PRKG1: variants seen among roughly 807,000 people sequenced by gnomAD.
The protein encoded by PRKG1 is protein kinase cGMP-dependent 1, also known as cGMP-dependent protein kinase 1.
PRKG1 carries 35 observed loss-of-function variants against 88.1 expected under a neutral mutation model. The observed-to-expected ratio is 0.40, with a 90% CI of 0.30 to 0.53. The LOEUF (loss-of-function observed/expected upper bound fraction) is 0.53, where lower values mean the gene tolerates loss of function less well. Among genes scored for constraint, PRKG1 ranks in the 20% least tolerant of loss-of-function variants. PRKG1 has a pLI of 0.59. For synonymous variants in PRKG1, 303 were observed against 292.5 expected, an observed-to-expected ratio of 1.04 and a Z score of -0.37; for missense variants, 540 against 839.8, an observed-to-expected ratio of 0.64 and a Z score of 4.41.
chr10:51,126,024 A>C (rs1489705927), intron 1 of PRKG1, among the ~76,000 whole-genome samples: 3 of 125,232 alleles, frequency 2.4e-5, no homozygotes, highest in Admixed American at 1.7e-4. Context: ...ATTTATTTAT[A>C]TATAATTATA....
intron 2 of PRKG1, among the ~76,000 whole-genome samples, chr10:51,408,546 G>A: frequency 6.6e-6 from 1 of 152,214 alleles, no homozygotes; most frequent in East Asian, 1.9e-4. Context: ...CTTGATGGAA[G>A]AGGTTCAATA....
intron 2 of PRKG1, among the ~76,000 whole-genome samples, chr10:51,230,251 A>G (rs528207952): frequency 6.6e-6 from 1 of 152,312 alleles, no homozygotes; most frequent in East Asian, 1.9e-4. Flanking sequence ...GTGAAATAAA[A>G]TAGTTTCAGA....
At chr10:52,076,880 G>A (rs559406168) in intron 7 of PRKG1, among the ~76,000 whole-genome samples, 48 of 152,202 alleles carry the variant, frequency 3.2e-4, no homozygotes, top group African/African-American at 9.9e-4. Context: ...AAACCACAAG[G>A]TAGTGCCACT....
intron 3 of PRKG1, among the ~76,000 whole-genome samples, chr10:51,517,608 A>G (rs2132071921): frequency 6.6e-6 from 1 of 152,336 alleles, no homozygotes; most frequent in Non-Finnish European, 1.5e-5. Context: ...TGAACATGCA[A>G]ATCAGTTATT....
At chr10:51,673,572 A>G (rs1427249274) in intron 3 of PRKG1, among the ~76,000 whole-genome samples, 1 of 152,064 alleles carries the variant, frequency 6.6e-6, no homozygotes, top group Non-Finnish European at 1.5e-5. Flanking sequence ...ATAAAATCTG[A>G]GGAATGATGT....
chr10:51,533,717 A>G (rs1842074027), intron 3 of PRKG1, among the ~76,000 whole-genome samples: 1 of 152,076 alleles, frequency 6.6e-6, no homozygotes, highest in Non-Finnish European at 1.5e-5. Flanking sequence ...AGCCAAGGGT[A>G]TCCATGTATC....
intron 2 of PRKG1, among the ~76,000 whole-genome samples, chr10:51,268,526 C>T (rs1839895859): frequency 6.6e-6 from 1 of 151,732 alleles, no homozygotes; most frequent in Admixed American, 6.6e-5. Flanking sequence ...CTCCCATTTG[C>T]TTTTGAAAGA....
chr10:51,470,111 A>G lies in PRKG1; in HGVS notation c.592+2275A>G, dbSNP rs147781979. Among the ~76,000 whole-genome samples, 762 of 151,898 alleles carry G rather than the reference A, an allele frequency of 5.0e-3. 6 individuals are homozygous for G. The highest frequency in any genetic ancestry group is 0.017 in the African/African-American group (726 of 41,518). On this transcript the variant is annotated intron_variant, in intron 3 of 17. Coordinates refer to ENST00000373980, the MANE Select transcript of PRKG1 (RefSeq NM_006258.4). ...TATGTTATGATTCTAATTAGATCACATTGTGGATGCTACTTTTACAAAATG... is the reference window on the plus strand; with the variant it reads ...TATGTTATGATTCTAATTAGATCACGTTGTGGATGCTACTTTTACAAAATG...
Position 51,390,541 on chromosome 10 carries a change from T to A in PRKG1, c.479-77182T>A, listed in dbSNP as rs192891850. Among the ~76,000 whole-genome samples, 238 of 152,358 alleles carry A rather than the reference T, an allele frequency of 1.6e-3. 1 individual carries two copies. The highest frequency in any genetic ancestry group is 5.6e-3 in the African/African-American group (234 of 41,580). On this transcript the variant is annotated intron_variant, in intron 2 of 17. Transcript: ENST00000373980. ...GCTTTGAAGATAACACGAGTTCATGTGTACCTATAAATATCATTGCAACAC... is the reference window on the plus strand; with the variant it reads ...GCTTTGAAGATAACACGAGTTCATGAGTACCTATAAATATCATTGCAACAC...
intron 2 of PRKG1, among the ~76,000 whole-genome samples, chr10:51,160,990 A>G (rs1846346182): frequency 6.6e-6 from 1 of 152,116 alleles, no homozygotes; most frequent in Non-Finnish European, 1.5e-5. Context: ...TGATAATCGA[A>G]AGAGTAATTG....
At chr10:51,112,489 C>T (rs1011763473) in intron 1 of PRKG1, among the ~76,000 whole-genome samples, 1 of 152,024 alleles carries the variant, frequency 6.6e-6, no homozygotes, top group Non-Finnish European at 1.5e-5. Context: ...ATTTTATCAT[C>T]CTCATGAATT....
At chr10:51,543,086 C>T (rs1462740314) in intron 3 of PRKG1, among the ~76,000 whole-genome samples, 1 of 152,144 alleles carries the variant, frequency 6.6e-6, no homozygotes, top group Non-Finnish European at 1.5e-5. Context: ...GGGTCAACAT[C>T]AACCCCAGTG....
At chr10:51,004,661 A>G (rs141731905) in intron 1 of PRKG1, among the ~76,000 whole-genome samples, 256 of 152,276 alleles carry the variant, frequency 1.7e-3, no homozygotes, top group Non-Finnish European at 3.1e-3. Flanking sequence ...TGATGTTTAC[A>G]TGCCCTTTTA....
rs151153847 is a variant in PRKG1 at position 51,420,842 on chromosome 10, G to A, written c.479-46881G>A. Among the ~76,000 whole-genome samples the A allele has an allele frequency of 2.4e-3, 367 of 152,290 alleles. 2 individuals carry two copies. The highest frequency in any genetic ancestry group is 4.2e-3 in the Non-Finnish European group (283 of 68,030). On this transcript the variant is annotated intron_variant, in intron 2 of 17. Transcript: ENST00000373980. Reference sequence around the variant, plus strand: ...AGGCCTCAGGAAGCTTCCAATCATGGTAGAAGCTGAAGCAGGAGCGGGCAC... The same window carrying A: ...AGGCCTCAGGAAGCTTCCAATCATGATAGAAGCTGAAGCAGGAGCGGGCAC...
chr10:52,048,808 C>T (rs73341279), intron 5 of PRKG1, among the ~76,000 whole-genome samples: 8 of 152,100 alleles, frequency 5.3e-5, no homozygotes, highest in African/African-American at 1.9e-4. Context: ...CTTTCTCTAT[C>T]TATCCTCCTA....
At chr10:51,986,124 G>A (rs752341417) in intron 5 of PRKG1, among the ~76,000 whole-genome samples, 2 of 152,044 alleles carry the variant, frequency 1.3e-5, no homozygotes, top group Non-Finnish European at 2.9e-5. Flanking sequence ...ACTAACCCAG[G>A]AAAGGGTCAA....
chr10:51,343,974 C>T (rs985061478), intron 2 of PRKG1, among the ~76,000 whole-genome samples: 21 of 152,162 alleles, frequency 1.4e-4, no homozygotes, highest in Non-Finnish European at 2.9e-5. Flanking sequence ...GCTAGCAATA[C>T]ATTTTTATGT....
intron 2 of PRKG1, among the ~76,000 whole-genome samples, chr10:51,386,756 C>T (rs577722920): frequency 6.6e-6 from 1 of 152,258 alleles, no homozygotes. Context: ...GTCAAGTTGA[C>T]ACATAAAATT....
At chr10:51,236,839 G>A (rs1839006591) in intron 2 of PRKG1, among the ~76,000 whole-genome samples, 1 of 152,060 alleles carries the variant, frequency 6.6e-6, no homozygotes, top group Non-Finnish European at 1.5e-5. Flanking sequence ...TGAGATGCCA[G>A]TATAACCCAT....
Sources: allele counts gnomAD v4.1 joint callset (sites outside exome capture counted in the v4.1 genomes callset), GRCh38; gene constraint gnomAD v4.1.1; transcripts MANE v1.5; gene names NCBI Gene and HGNC (gene_info 2026-07-23, HGNC 2026-07-21).